The following MRNIP variants were observed in gnomAD, a reference collection of about 807,000 sequenced individuals.
MRNIP encodes the protein MRN complex-interacting protein.
MRNIP carries 30 observed loss-of-function variants against 29.8 expected under a neutral mutation model. The observed-to-expected ratio is 1.01, with a 90% confidence interval of 0.75 to 1.36. The LOEUF is 1.36. Ranked by LOEUF, MRNIP falls within the 40% of genes most tolerant of loss-of-function variation. The pLI, the probability that MRNIP is intolerant of heterozygous loss-of-function variation, is 0.00. For missense variants in MRNIP, 459 were observed against 423.5 expected, an observed-to-expected ratio of 1.08 and a Z score of -0.74; for synonymous variants, 201 against 164.1, an observed-to-expected ratio of 1.23 and a Z score of -1.72.
chr5:179,853,107 A>G (rs190351989), intron 2 of MRNIP: 5 of 810,626 alleles, frequency 6.2e-6, no homozygotes, highest in Non-Finnish European at 9.4e-6. Context: ...CAAGAATGAC[A>G]ATGGGCTTAC....
chr5:179,848,109 G>T, intron 2 of MRNIP, 43 bp from the exon 3 acceptor site: 2 of 1,453,686 alleles, frequency 1.4e-6, no homozygotes, highest in Non-Finnish European at 1.9e-6. Context: ...AGTGCTGGCA[G>T]AATGCTGAGA....
At chr5:179,853,103 T>C (rs1759436233) in intron 2 of MRNIP, 1 of 765,764 alleles carries the variant, frequency 1.3e-6, no homozygotes, top group Non-Finnish European at 2.0e-6. Context: ...AGGGCAAGAA[T>C]GACAATGGGC....
In MRNIP at chr5:179,848,253, C is replaced by T. The variant is rs1011376442; in HGVS notation, c.127-187G>A. 9.2e-5 allele frequency among the ~76,000 whole-genome samples: 14 copies of T among 152,224 alleles called. No individual in the cohort carries two copies. In the East Asian group the frequency reaches 2.1e-3, roughly 23 times the overall value. ...GAATGATTTACAAACCAACAGTCTC[C>T]GGAACTAATAGTTTACATCTATGTG... On this transcript the variant is annotated intron_variant, in intron 2 of 6. Transcript: ENST00000292586.
chr5:179,848,916 T>C lies in MRNIP; in HGVS notation c.127-850A>G, dbSNP rs566436301. ...GGAACAGCAAAGAGGCCAGCATCGC[T>C]GGAGCTGAGGGGTCTAAGGGGAAGA... On this transcript the variant is annotated intron_variant, in intron 2 of 6. Transcript: ENST00000292586. Among the ~76,000 whole-genome samples, 29 of 152,250 alleles carry C rather than the reference T, an allele frequency of 1.9e-4. 1 individual carries two copies. The highest frequency in any genetic ancestry group is 1.8e-3 in the Admixed American group (27 of 15,286).
chr5:179,844,375 G>T, intron 3 of MRNIP, 148 bp from the exon 4 acceptor site: 1 of 620,498 alleles, frequency 1.6e-6, no homozygotes, highest in South Asian at 1.8e-5. Context: ...GAACACGGTG[G>T]TGCATACCTA....
Position 179,852,959 on chromosome 5 carries a change from C to T in MRNIP, c.126+419G>A, listed in dbSNP as rs568825732. On this transcript the variant is annotated intron_variant, in intron 2 of 6. Coordinates refer to ENST00000292586, the MANE Select transcript of MRNIP (RefSeq NM_016175.4). Reference sequence around the variant, plus strand: ...TCCACCAACGGCCTCTGCCCTTCCCCGGCTGCCCTGATTCCTCTGTCATCT... The same window carrying T: ...TCCACCAACGGCCTCTGCCCTTCCCTGGCTGCCCTGATTCCTCTGTCATCT... Among the ~76,000 whole-genome samples, 22 of 152,352 alleles carry T rather than the reference C, an allele frequency of 1.4e-4. No homozygotes were observed. In the East Asian group the frequency reaches 3.1e-3, roughly 21 times the overall value.
intron 1 of MRNIP, 81 bp downstream of exon 1, chr5:179,858,650 G>C (rs943725566): frequency 3.2e-6 from 3 of 942,838 alleles, no homozygotes; most frequent in Non-Finnish European, 3.1e-6. Context: ...GGAGCCATTC[G>C]AGACAACACC....
intron 1 of MRNIP, among the ~76,000 whole-genome samples, chr5:179,856,066 G>T (rs1759565319): frequency 6.6e-6 from 1 of 151,658 alleles, no homozygotes; most frequent in Non-Finnish European, 1.5e-5. Flanking sequence ...CCGCCACCAC[G>T]ACCTGTATTT....
intron 1 of MRNIP, among the ~76,000 whole-genome samples, chr5:179,857,447 G>T (rs1759639989): frequency 6.6e-6 from 1 of 151,946 alleles, no homozygotes; most frequent in Non-Finnish European, 1.5e-5. Flanking sequence ...GCGACAGAGT[G>T]AGACGTGAGA....
chr5:179,844,617 G>A (rs1035725292), intron 3 of MRNIP, among the ~76,000 whole-genome samples: 7 of 151,928 alleles, frequency 4.6e-5, no homozygotes, highest in South Asian at 2.1e-4. Context: ...TTGTAGAGAC[G>A]GTTTTGCCAT....
rs1582037284 is a variant in MRNIP at position 179,839,505 on chromosome 5, A to C, written c.537+1367T>G. The C allele has an allele frequency of 2.6e-5, 4 of 152,392 alleles. No individual in the cohort carries two copies. The South Asian group carries it at 8.3e-4, about 32-fold the overall frequency. The allele number at this position is 152,392 out of a possible 1,614,324, so 9.4% of individuals were successfully genotyped here. A position where few individuals can be genotyped will look rare whatever the true frequency, so the allele number is the denominator to read the frequency against. ...TGAAACACAATGATACCATTACAACATGCAGCCCAGGGACTGGCCCGTGGC... is the reference window on the plus strand; with the variant it reads ...TGAAACACAATGATACCATTACAACCTGCAGCCCAGGGACTGGCCCGTGGC... On this transcript the variant is annotated intron_variant, in intron 6 of 6. Transcript: ENST00000292586.
chr5:179,847,037 T>A (rs1386335470), intron 3 of MRNIP: 3 of 152,156 alleles, frequency 2.0e-5, no homozygotes, highest in East Asian at 1.9e-4. Flanking sequence ...CATTTTTTTT[T>A]AAGCCAGTTA....
chr5:179,855,733 A>C (rs1759547909), intron 1 of MRNIP, among the ~76,000 whole-genome samples: 1 of 152,180 alleles, frequency 6.6e-6, no homozygotes, highest in Non-Finnish European at 1.5e-5. Context: ...TGATCCTAAT[A>C]CAAAATCATG....
In MRNIP at chr5:179,848,042, C is replaced by G; in HGVS notation, c.151G>C (p.Asp51His). 6.2e-7 allele frequency: 1 copy of G among 1,613,972 alleles called. No homozygotes were observed. The highest frequency in any genetic ancestry group is 1.1e-5 in the South Asian group (1 of 91,048). ...AACTTTTGGACATGGCGTCTACAAT[C>G]AGCACCAGAGCCTTCACCATAAGCC... is the stretch of plus-strand genomic sequence containing the variant. ...LQAYGEGSGA[D>H]CRRHVQKLNL... Residue 51 changes from aspartate (D) to histidine (H), a missense_variant, in exon 3 of 7, where the codon GAT becomes CAT. Coordinates refer to ENST00000292586, the MANE Select transcript of MRNIP (RefSeq NM_016175.4).
chr5:179,843,406 G>A (rs573013286), intron 4 of MRNIP, among the ~76,000 whole-genome samples: 8 of 152,176 alleles, frequency 5.3e-5, no homozygotes, highest in South Asian at 2.1e-4. Context: ...TGGAAGCACA[G>A]GCACAGGTAC....
chr5:179,845,346 ACTATGTTGG>A (rs1302367574), intron 3 of MRNIP, among the ~76,000 whole-genome samples: 1 of 151,868 alleles, frequency 6.6e-6, no homozygotes. Flanking sequence ...ATGGGGTTTC[ACTATGTTGG>A]CCAGGCTGGT....
In MRNIP at chr5:179,837,599, CCTTCT is replaced by C. The variant is rs780179500; in HGVS notation, c.819_823del (p.Glu274ProfsTer22). Reference sequence around the variant, plus strand: ...GACAGCGGCAGTGGGCCTGCTGAGGCCTTCTCTTGAGGCCTGTGCTCTGGGGGTCC... The same window carrying C: ...GACAGCGGCAGTGGGCCTGCTGAGGCCTTGAGGCCTGTGCTCTGGGGGTCC... On this transcript the variant is annotated frameshift_variant, in exon 7 of 7. Transcript: ENST00000292586. LOFTEE classifies it low-confidence loss of function (END_TRUNC). The C allele has an allele frequency of 5.1e-5, 82 of 1,614,054 alleles. No individual in the cohort carries two copies. The highest frequency in any genetic ancestry group is 3.2e-4 in the African/African-American group (24 of 74,950).
chr5:179,837,411 C>T lies in MRNIP; in HGVS notation c.1012G>A (p.Asp338Asn). The T allele has an allele frequency of 1.3e-6, 2 of 1,595,510 alleles. No homozygotes were observed. Among genetic ancestry groups the T allele is most frequent in the Non-Finnish European group, 1.7e-6 (2 of 1,169,038 alleles). The change falls in exon 7 of 7, where the codon GAC becomes AAC. Residue 338 changes from aspartate (D) to asparagine (N), a missense_variant. Physicochemically the swap from Asp to Asn is conservative, Grantham distance 23. Coordinates refer to ENST00000292586, the MANE Select transcript of MRNIP (RefSeq NM_016175.4). ...CCAGATCACACATCATCATCGAAGTCTTCCCCAGTTATAAAGAGGTCACAT... is the reference window on the plus strand; with the variant it reads ...CCAGATCACACATCATCATCGAAGTTTTCCCCAGTTATAAAGAGGTCACAT... The part of the protein sequence containing the change: ...RLCDLFITGE[D>N]FDDDV
intron 2 of MRNIP, chr5:179,851,127 C>A: frequency 2.3e-6 from 1 of 436,884 alleles, no homozygotes; most frequent in South Asian, 1.6e-5. Context: ...AGCCATACAC[C>A]ACATACCACA....
Sources: allele counts gnomAD v4.1 joint callset (sites outside exome capture counted in the v4.1 genomes callset), GRCh38; gene constraint gnomAD v4.1.1; transcripts MANE v1.5; gene names NCBI Gene and HGNC (gene_info 2026-07-23, HGNC 2026-07-21).